Variants in HYCC1 observed in about 807,000 individuals in gnomAD.
The protein encoded by HYCC1 is hyccin PI4KA lipid kinase complex subunit 1, also known as hyccin.
chr7:22,973,986 T>C, the HYCC1 span, among the ~76,000 whole-genome samples: 1 of 152,110 alleles, frequency 6.6e-6, no homozygotes, highest in Non-Finnish European at 1.5e-5. Context: ...ATATAATACA[T>C]AAAAATACAA....
chr7:22,966,158 G>A, the HYCC1 span, among the ~76,000 whole-genome samples: 2 of 152,206 alleles, frequency 1.3e-5, no homozygotes, highest in African/African-American at 4.8e-5. Flanking sequence ...CGTATAGTGT[G>A]TGTCACTGCA....
At chr7:23,012,805 A>T in the HYCC1 span, among the ~76,000 whole-genome samples, 1 of 152,230 alleles carries the variant, frequency 6.6e-6, no homozygotes, top group Admixed American at 6.5e-5. Flanking sequence ...TATGGCAATA[A>T]GATTTGAAAG....
chr7:22,978,438 G>T, the HYCC1 span: 1 of 1,613,686 alleles, frequency 6.2e-7, no homozygotes, highest in Non-Finnish European at 8.5e-7. Flanking sequence ...GTGACAGACA[G>T]GTTCTAGCAA....
the HYCC1 span, chr7:22,938,487 ATT>A: frequency 1.3e-5 from 2 of 152,154 alleles, no homozygotes; most frequent in Admixed American, 6.5e-5. Context: ...AAGTCCTATT[ATT>A]TACTTGTGCT....
the HYCC1 span, among the ~76,000 whole-genome samples, chr7:22,961,852 T>G: frequency 6.6e-6 from 1 of 151,888 alleles, no homozygotes; most frequent in Non-Finnish European, 1.5e-5. Flanking sequence ...TGTGTGTGTC[T>G]GTGCATGTGT....
At chr7:22,949,621 A>G in the HYCC1 span, among the ~76,000 whole-genome samples, 1 of 152,004 alleles carries the variant, frequency 6.6e-6, no homozygotes, top group African/African-American at 2.4e-5. Flanking sequence ...AGAGATGCCA[A>G]TGAAAGCTGT....
At chr7:22,991,821 A>G in the HYCC1 span, among the ~76,000 whole-genome samples, 1 of 152,090 alleles carries the variant, frequency 6.6e-6, no homozygotes, top group African/African-American at 2.4e-5. Flanking sequence ...CTTGGAAACT[A>G]TTTCCTGACG....
the HYCC1 span, among the ~76,000 whole-genome samples, chr7:22,899,321 A>T: frequency 6.6e-6 from 1 of 152,268 alleles, no homozygotes; most frequent in African/African-American, 2.4e-5. Flanking sequence ...AGGAAGTTGT[A>T]CAGCATGGGG....
At chr7:22,961,420 T>C in the HYCC1 span, 104 of 706,222 alleles carry the variant, frequency 1.5e-4, no homozygotes, top group Non-Finnish European at 1.6e-4. Flanking sequence ...TAAAAGATCA[T>C]ATTAGCACAT....
chr7:22,978,558 T>G, the HYCC1 span: 1 of 914,136 alleles, frequency 1.1e-6, no homozygotes. Flanking sequence ...TCTTTTTAAG[T>G]TCTTAAAATA....
chr7:22,975,957 C>T, the HYCC1 span, among the ~76,000 whole-genome samples: 139 of 152,244 alleles, frequency 9.1e-4, no homozygotes, highest in Admixed American at 2.0e-3. Flanking sequence ...TGGGTTCACG[C>T]AATACTCCCA....
At chr7:22,946,865 A>T in the HYCC1 span, 83 of 1,006,286 alleles carry the variant, frequency 8.2e-5, no homozygotes, top group Non-Finnish European at 1.2e-4. Flanking sequence ...TGCATAATTC[A>T]TGCATTTGGA....
the HYCC1 span, chr7:22,977,368 A>C: frequency 6.3e-7 from 1 of 1,599,476 alleles, no homozygotes; most frequent in Non-Finnish European, 8.6e-7. Context: ...GTTTGGATAA[A>C]GATGGAATCG....
the HYCC1 span, among the ~76,000 whole-genome samples, chr7:22,896,523 A>G: frequency 1.3e-5 from 2 of 151,928 alleles, no homozygotes; most frequent in African/African-American, 4.8e-5. Flanking sequence ...GAAAGAAACA[A>G]CTCTGGTTCC....
the HYCC1 span, chr7:22,936,655 A>G: frequency 6.6e-6 from 1 of 152,156 alleles, no homozygotes; most frequent in Non-Finnish European, 1.5e-5. Context: ...CCACCTGGCC[A>G]GGTATAAATG....
chr7:22,958,048 A>T, the HYCC1 span, among the ~76,000 whole-genome samples: 2 of 151,902 alleles, frequency 1.3e-5, no homozygotes, highest in East Asian at 3.8e-4. Context: ...AAATCTATTT[A>T]TAATTTGAGA....
the HYCC1 span, chr7:22,990,995 T>A: frequency 9.3e-7 from 1 of 1,072,250 alleles, no homozygotes; most frequent in Middle Eastern, 2.0e-4. Context: ...CAAAAATCAC[T>A]GGAATTTAAA....
At chr7:22,947,307 A>T in the HYCC1 span, 3 of 1,425,122 alleles carry the variant, frequency 2.1e-6, no homozygotes, top group African/African-American at 2.9e-5. Flanking sequence ...ACGTGAAATG[A>T]GAAAAGCAAA....
At chr7:22,941,916 A>G in the HYCC1 span, 2 of 152,316 alleles carry the variant, frequency 1.3e-5, no homozygotes, top group East Asian at 3.9e-4. Context: ...TGCTTAAAGT[A>G]CCCATCAAAT....
Sources: allele counts gnomAD v4.1 joint callset (sites outside exome capture counted in the v4.1 genomes callset), GRCh38; gene constraint gnomAD v4.1.1; transcripts MANE v1.5; gene names NCBI Gene and HGNC (gene_info 2026-07-23, HGNC 2026-07-21).